TANGO6: variants seen among roughly 807,000 people sequenced by gnomAD.
TANGO6 encodes transport and Golgi organization protein 6 homolog.
Under a neutral mutation model 114.2 loss-of-function variants are expected in TANGO6, and 90 were observed. The ratio of observed to expected loss-of-function variants is 0.79; its 90% CI spans 0.66 to 0.94. TANGO6 has a LOEUF of 0.94. Ranked by LOEUF, TANGO6 falls within the 40% of genes least tolerant of loss-of-function variation. The pLI is 0.00. For missense variants in TANGO6, 1,274 were observed against 1,315.3 expected, an observed-to-expected ratio of 0.97 and a Z score of 0.49; for synonymous variants, 477 against 509.8, an observed-to-expected ratio of 0.94 and a Z score of 0.87.
chr16:69,004,869 G>A (rs1304631172), intron 15 of TANGO6, among the ~76,000 whole-genome samples: 5 of 152,068 alleles, frequency 3.3e-5, no homozygotes, highest in South Asian at 2.1e-4. Context: ...CTCCTGCATC[G>A]AAACATTAAG....
chr16:69,034,118 C>A, intron 16 of TANGO6: 1 of 154,220 alleles, frequency 6.5e-6, no homozygotes, highest in South Asian at 1.9e-4. Flanking sequence ...GACCATCACC[C>A]TGGCCAAGCT....
At chr16:68,898,976 A>G (rs2152180441) in intron 7 of TANGO6, among the ~76,000 whole-genome samples, 1 of 139,442 alleles carries the variant, frequency 7.2e-6, no homozygotes. Context: ...TATTATTATT[A>G]TTATTGGTTT....
intron 7 of TANGO6, among the ~76,000 whole-genome samples, chr16:68,889,646 G>A (rs1482785303): frequency 1.3e-5 from 2 of 152,164 alleles, no homozygotes; most frequent in Non-Finnish European, 2.9e-5. Flanking sequence ...GTATCTTCAA[G>A]GCTGTGGGAA....
intron 15 of TANGO6, among the ~76,000 whole-genome samples, chr16:68,998,294 T>A (rs1425406324): frequency 2.0e-5 from 3 of 152,144 alleles, no homozygotes; most frequent in Admixed American, 2.0e-4. Context: ...TTCACAGGAG[T>A]AAGCAGGATC....
chr16:68,845,512 A>G (rs75018320), intron 1 of TANGO6, among the ~76,000 whole-genome samples: 9,254 of 152,206 alleles, frequency 0.061, 291 homozygotes, highest in Admixed American at 0.075. Context: ...TATTATATGA[A>G]TCTGTCTACT....
At chr16:69,048,576 C>T (rs888850227) in intron 17 of TANGO6, among the ~76,000 whole-genome samples, 1 of 152,040 alleles carries the variant, frequency 6.6e-6, no homozygotes, top group African/African-American at 2.4e-5. Context: ...GAGGCAAACT[C>T]AGGCCTCCAT....
At chr16:68,901,652 C>T (rs752809528) in intron 8 of TANGO6, among the ~76,000 whole-genome samples, 35 of 152,134 alleles carry the variant, frequency 2.3e-4, no homozygotes, top group Non-Finnish European at 4.3e-4. Context: ...CCATGCCCGG[C>T]TAATTTTTGT....
intron 17 of TANGO6, among the ~76,000 whole-genome samples, chr16:69,072,061 G>C (rs1253085306): frequency 6.9e-6 from 1 of 145,098 alleles, no homozygotes; most frequent in Non-Finnish European, 1.5e-5. Context: ...GTGTGTGTGT[G>C]TGTGTGTAGA....
chr16:68,918,998 A>T, intron 11 of TANGO6, 87 bp from the exon 12 acceptor site: 1 of 1,450,126 alleles, frequency 6.9e-7, no homozygotes, highest in Non-Finnish European at 9.3e-7. Context: ...TAGATGAAGA[A>T]GATGAGGATG....
chr16:68,891,355 G>C (rs2152176260), intron 7 of TANGO6, among the ~76,000 whole-genome samples: 1 of 151,966 alleles, frequency 6.6e-6, no homozygotes, highest in South Asian at 2.1e-4. Context: ...AGCTACTCGG[G>C]TGGATGAGGC....
intron 14 of TANGO6, among the ~76,000 whole-genome samples, chr16:68,939,813 T>G (rs142943920): frequency 0.018 from 2,816 of 152,292 alleles, 43 homozygotes; most frequent in Middle Eastern, 0.048. Flanking sequence ...ACATGATTTT[T>G]AAAATAATTA....
intron 3 of TANGO6, among the ~76,000 whole-genome samples, chr16:68,865,873 G>A (rs577398242): frequency 1.6e-4 from 24 of 151,902 alleles, no homozygotes; most frequent in South Asian, 2.1e-4. Flanking sequence ...AGCCGAGATC[G>A]TGCCACTGCT....
rs1597037954 is a variant in TANGO6 at position 68,961,601 on chromosome 16, A to G, written c.2702-12427A>G. On this transcript the variant is annotated intron_variant, in intron 14 of 17. Coordinates refer to ENST00000261778, the MANE Select transcript of TANGO6 (RefSeq NM_024562.2). ...TTCATCATCCAAATGGCTTCCACTA[A>G]ATATGGCTGTCAGTAAATATAGATT... Among the ~76,000 whole-genome samples the G allele has an allele frequency of 3.3e-5, 5 of 152,354 alleles. No individual in the cohort carries two copies. In the South Asian group the frequency reaches 1.0e-3, roughly 32 times the overall value.
rs764687978 is a variant in TANGO6, at chr16:68,875,157, G to T, written c.998G>T (p.Gly333Val). The stretch of plus-strand genomic sequence containing the variant: ...ACATCTCTCTCCATTGTGCCAGCGG[G>T]AGCAGCTGGTGGAAGTGATGCTGAG... ...VRGILEGAGA[G>V]AAGGSDAEVT... Residue 333 changes from glycine (G) to valine (V), a missense_variant, in exon 5 of 18, where the codon GGA becomes GTA. Around this residue, in one of 5 missense-constraint regions of TANGO6, gnomAD observed 908 missense variants for 910.2 expected, o/e 1.00. Coordinates refer to ENST00000261778, the MANE Select transcript of TANGO6 (RefSeq NM_024562.2). The T allele has an allele frequency of 1.9e-6, 3 of 1,610,598 alleles. No homozygotes were observed. Among genetic ancestry groups the T allele is most frequent in the Non-Finnish European group, 2.5e-6 (3 of 1,177,600 alleles).
At chr16:68,861,601 G>A (rs148834442) in intron 2 of TANGO6, among the ~76,000 whole-genome samples, 35 of 152,290 alleles carry the variant, frequency 2.3e-4, no homozygotes, top group Non-Finnish European at 4.0e-4. Context: ...TACTGTTACT[G>A]AGGCTAAACT....
chr16:69,068,124 G>A (rs1217522094), intron 17 of TANGO6, among the ~76,000 whole-genome samples: 1 of 151,574 alleles, frequency 6.6e-6, no homozygotes, highest in African/African-American at 2.4e-5. Flanking sequence ...CTGGGCAACA[G>A]AGCAAGACTC....
chr16:68,994,466 A>G (rs1452825951), intron 15 of TANGO6, among the ~76,000 whole-genome samples: 12 of 152,056 alleles, frequency 7.9e-5, no homozygotes, highest in Non-Finnish European at 5.9e-5. Flanking sequence ...ACATTGCCCT[A>G]CCTTCAAATC....
intron 17 of TANGO6, among the ~76,000 whole-genome samples, chr16:69,044,850 T>C (rs1437732791): frequency 6.6e-6 from 1 of 152,010 alleles, no homozygotes; most frequent in Non-Finnish European, 1.5e-5. Flanking sequence ...AGACCTTATC[T>C]GAAAAAGAAA....
intron 14 of TANGO6, among the ~76,000 whole-genome samples, chr16:68,947,687 G>T (rs763025820): frequency 4.6e-5 from 7 of 150,840 alleles, no homozygotes; most frequent in Non-Finnish European, 8.8e-5. Flanking sequence ...TGCCTCCTGG[G>T]TTCAAGAAAT....
Sources: allele counts gnomAD v4.1 joint callset (sites outside exome capture counted in the v4.1 genomes callset), GRCh38; gene constraint gnomAD v4.1.1; regional missense constraint gnomAD v4.1.1; transcripts MANE v1.5; gene names NCBI Gene and HGNC (gene_info 2026-07-23, HGNC 2026-07-21).